The following PCGF3 variants were observed in gnomAD, a reference collection of about 807,000 sequenced individuals.
PCGF3 encodes the protein polycomb group ring finger 3, also known as polycomb group RING finger protein 3.
In PCGF3, 7 loss-of-function variants were observed where a neutral mutation model predicts 33.1. The observed-to-expected ratio is 0.21, with a 90% CI of 0.12 to 0.40. The LOEUF (loss-of-function observed/expected upper bound fraction) is 0.40. PCGF3 is among the 10% of genes least tolerant of loss of function. The pLI, the probability that PCGF3 is intolerant of heterozygous loss-of-function variation, is 1.00. For missense variants in PCGF3, 211 were observed against 313.3 expected, an observed-to-expected ratio of 0.67 and a Z score of 2.46; for synonymous variants, 153 against 121.3, an observed-to-expected ratio of 1.26 and a Z score of -1.72.
chr4:761,185 A>C lies in PCGF3; in HGVS notation c.463-94A>C, dbSNP rs1470236027. ...TGATCTCAAAAAGGTCAGCAGTCCTAGATTGAGGAATTAGTGAAATATGTC... is the reference window on the plus strand; with the variant it reads ...TGATCTCAAAAAGGTCAGCAGTCCTCGATTGAGGAATTAGTGAAATATGTC... On this transcript the variant is annotated intron_variant, in intron 8 of 10. Transcript: ENST00000362003. The C allele has an allele frequency of 5.6e-6, 6 of 1,062,790 alleles. No individual in the cohort carries two copies. In the East Asian group the frequency reaches 1.4e-4, roughly 25 times the overall value. 65.8% of individuals were successfully genotyped at this position (1,062,790 alleles called of 1,614,324 possible). A position where few individuals can be genotyped will look rare whatever the true frequency, so the allele number is the denominator to read the frequency against.
intron 6 of PCGF3, among the ~76,000 whole-genome samples, chr4:740,812 C>A (rs947502600): frequency 6.6e-6 from 1 of 152,186 alleles, no homozygotes; most frequent in African/African-American, 2.4e-5. Flanking sequence ...CAGCTGTGGT[C>A]GCCTTCACCC....
chr4:729,614 T>A (rs1228697873), intron 1 of PCGF3, among the ~76,000 whole-genome samples: 1 of 152,118 alleles, frequency 6.6e-6, no homozygotes, highest in Admixed American at 6.5e-5. Context: ...CTCTTCTCCC[T>A]AACTCAAGTG....
At chr4:728,547 C>G (rs1039825381) in intron 1 of PCGF3, among the ~76,000 whole-genome samples, 3 of 152,196 alleles carry the variant, frequency 2.0e-5, no homozygotes, top group African/African-American at 7.2e-5. Context: ...ACTTGAGCAC[C>G]TGTGGATTTT....
At chr4:706,365 A>AC (rs1560191878) in intron 1 of PCGF3, among the ~76,000 whole-genome samples, 41 of 124,414 alleles carry the variant, frequency 3.3e-4, no homozygotes, top group East Asian at 8.8e-4. Context: ...CAGGGAGGGC[A>AC]AGACCCCAGT....
intron 6 of PCGF3, among the ~76,000 whole-genome samples, chr4:743,190 A>T (rs552548593): frequency 1.3e-5 from 2 of 152,328 alleles, no homozygotes; most frequent in South Asian, 4.1e-4. Flanking sequence ...TGGGGATGAC[A>T]GTCCCGCACC....
chr4:722,369 TG>T (rs1218861620), intron 1 of PCGF3: 1 of 195,118 alleles, frequency 5.1e-6, no homozygotes, highest in Non-Finnish European at 1.1e-5. Context: ...CGCAGCTAAA[TG>T]ACAGGAGCTG....
chr4:737,611 G>A lies in PCGF3; in HGVS notation c.262+90G>A. 8.7e-6 allele frequency: 7 copies of A among 808,550 alleles called. 1 individual carries two copies. In the South Asian group the frequency reaches 9.8e-5, roughly 11 times the overall value. 50.1% of individuals were successfully genotyped at this position (808,550 alleles called of 1,614,324 possible). A position where few individuals can be genotyped will look rare whatever the true frequency, so the allele number is the denominator to read the frequency against. On this transcript the variant is annotated intron_variant, in intron 6 of 10. Transcript: ENST00000362003. ...CTGGAAGTTTGGTTCTCGGATGGGA[G>A]GCCCCTTTCCTTTTGGCCGAATCAC...
At chr4:744,275 T>G (rs1577424928) in intron 7 of PCGF3, among the ~76,000 whole-genome samples, 1 of 152,252 alleles carries the variant, frequency 6.6e-6, no homozygotes, top group East Asian at 1.9e-4. Flanking sequence ...GGGGCTGATG[T>G]GGTCAGCACT....
chr4:734,263 A>C, intron 4 of PCGF3: 3 of 1,473,084 alleles, frequency 2.0e-6, no homozygotes, highest in Non-Finnish European at 9.0e-7. Context: ...GCTGACGGGC[A>C]GGTGCCATCC....
chr4:754,605 C>T (rs899689359), intron 8 of PCGF3, among the ~76,000 whole-genome samples: 10 of 152,166 alleles, frequency 6.6e-5, no homozygotes, highest in South Asian at 2.1e-4. Flanking sequence ...GTGGTGAGTC[C>T]GGGGCAGAGT....
At chr4:763,100 C>T (rs375645837) in intron 9 of PCGF3, among the ~76,000 whole-genome samples, 8 of 151,564 alleles carry the variant, frequency 5.3e-5, no homozygotes, top group South Asian at 2.1e-4. Flanking sequence ...TCACTGAGCA[C>T]GGGCTGCCTG....
At chr4:751,282 T>C (rs550517680) in intron 8 of PCGF3, among the ~76,000 whole-genome samples, 85 of 152,310 alleles carry the variant, frequency 5.6e-4, no homozygotes, top group African/African-American at 1.7e-3. Flanking sequence ...TTGTTTTGGG[T>C]AATTTTAAAA....
At chr4:739,682 G>A (rs533915719) in intron 6 of PCGF3, among the ~76,000 whole-genome samples, 35 of 152,298 alleles carry the variant, frequency 2.3e-4, no homozygotes, top group African/African-American at 7.7e-4. Flanking sequence ...TGCTGAGCCG[G>A]GTGGCACTGA....
intron 8 of PCGF3, among the ~76,000 whole-genome samples, chr4:756,311 G>A (rs562989030): frequency 6.6e-6 from 1 of 151,390 alleles, no homozygotes; most frequent in East Asian, 1.9e-4. Flanking sequence ...CTCCCTGGTT[G>A]AAGTGAGTCT....
intron 8 of PCGF3, among the ~76,000 whole-genome samples, chr4:748,004 CG>C (rs1744340006): frequency 6.6e-6 from 1 of 152,164 alleles, no homozygotes; most frequent in South Asian, 2.1e-4. Context: ...CCTTTTCCTC[CG>C]GGCGCGTCTC....
chr4:737,745 G>C (rs1406688837), intron 6 of PCGF3, among the ~76,000 whole-genome samples: 1 of 152,182 alleles, frequency 6.6e-6, no homozygotes, highest in Non-Finnish European at 1.5e-5. Context: ...CATTCAGCAA[G>C]TATGGATCGC....
At chr4:731,576 G>A (rs1577410886) in intron 3 of PCGF3, among the ~76,000 whole-genome samples, 1 of 121,136 alleles carries the variant, frequency 8.3e-6, no homozygotes. Flanking sequence ...GTGGGTGGGC[G>A]TGGTCCTCGG....
intron 8 of PCGF3, among the ~76,000 whole-genome samples, chr4:749,011 C>T (rs1744394712): frequency 6.6e-6 from 1 of 152,092 alleles, no homozygotes. Context: ...TGTGTGATGT[C>T]CTCCTCCAGT....
At chr4:707,445 T>TC (rs35481412) in intron 1 of PCGF3, among the ~76,000 whole-genome samples, 2 of 151,430 alleles carry the variant, frequency 1.3e-5, no homozygotes, top group South Asian at 2.1e-4. Context: ...CTGCCCCGTC[T>TC]CCCCCGGGAC....
Sources: gnomAD v4.1 joint callset for allele counts (sites outside exome capture counted in the v4.1 genomes callset) on GRCh38, gnomAD v4.1.1 for gene constraint, MANE v1.5 for transcripts, NCBI Gene and HGNC (gene_info 2026-07-23, HGNC 2026-07-21) for gene names.